The following AFF1 variants were observed in gnomAD, a reference collection of about 807,000 sequenced individuals.
AFF1 encodes the protein AF4/FMR2 family member 1.
In AFF1, 48 loss-of-function variants were observed where a neutral mutation model predicts 121.7. That is an observed-to-expected ratio of 0.39 (90% CI 0.31 to 0.50). The LOEUF (loss-of-function observed/expected upper bound fraction) is 0.50. AFF1 is among the 20% of genes least tolerant of loss of function. The probability of loss-of-function intolerance (pLI) is 0.76; values close to 1 mark genes in which losing one functional copy is unlikely to be tolerated. For synonymous variants in AFF1, 613 were observed against 563.0 expected, an observed-to-expected ratio of 1.09 and a Z score of -1.26; for missense variants, 1,523 against 1,511.7, an observed-to-expected ratio of 1.01 and a Z score of -0.12.
At chr4:87,060,523 A>G (rs1434923516) in intron 4 of AFF1, among the ~76,000 whole-genome samples, 1 of 152,180 alleles carries the variant, frequency 6.6e-6, no homozygotes, top group Non-Finnish European at 1.5e-5. Flanking sequence ...CAACGGTATC[A>G]TTAACTGGTA....
intron 2 of AFF1, among the ~76,000 whole-genome samples, chr4:86,968,488 G>A (rs1722689171): frequency 6.6e-6 from 1 of 152,090 alleles, no homozygotes; most frequent in Non-Finnish European, 1.5e-5. Context: ...TATTCACAAT[G>A]GCAGAAGTAT....
intron 2 of AFF1, among the ~76,000 whole-genome samples, chr4:87,039,315 A>G (rs1729876073): frequency 6.6e-6 from 1 of 152,258 alleles, no homozygotes; most frequent in South Asian, 2.1e-4. Flanking sequence ...TTGAAAAGTC[A>G]GTAAATGTGC....
At chr4:86,995,979 G>A (rs1725143886) in intron 2 of AFF1, among the ~76,000 whole-genome samples, 1 of 118,146 alleles carries the variant, frequency 8.5e-6, no homozygotes, top group Non-Finnish European at 2.1e-5. Flanking sequence ...TGAGAAGTGA[G>A]GAGCCCCTCC....
chr4:87,084,577 T>C (rs1560609230), intron 5 of AFF1, among the ~76,000 whole-genome samples: 1 of 147,292 alleles, frequency 6.8e-6, no homozygotes, highest in South Asian at 2.1e-4. Context: ...AATAAATAAA[T>C]AAATAAATAA....
chr4:87,021,960 T>C (rs1727940182), intron 2 of AFF1, among the ~76,000 whole-genome samples: 1 of 152,160 alleles, frequency 6.6e-6, no homozygotes, highest in Non-Finnish European at 1.5e-5. Flanking sequence ...CTCAGCACTT[T>C]GGGAGGCCGA....
chr4:87,027,784 G>GTTTTTTTTTTTTTTTTTTTT (rs35903702), intron 2 of AFF1, among the ~76,000 whole-genome samples: 1 of 90,598 alleles, frequency 1.1e-5, no homozygotes, highest in Non-Finnish European at 2.0e-5. Flanking sequence ...TTGCTGTTGG[G>GTTTTTTTTTTTTTTTTTTTT]TTTTTTTTTT....
intron 2 of AFF1, among the ~76,000 whole-genome samples, chr4:87,025,577 GGGA>G (rs1435247988): frequency 9.2e-5 from 14 of 152,306 alleles, no homozygotes; most frequent in Admixed American, 5.2e-4. Flanking sequence ...TTCTCCACAG[GGGA>G]GGAGATTTTA....
chr4:87,110,790 C>T, intron 11 of AFF1, among the ~76,000 whole-genome samples: 1 of 152,108 alleles, frequency 6.6e-6, no homozygotes, highest in Middle Eastern at 3.4e-3. Flanking sequence ...ATTAAAACAC[C>T]TAATAAAAAA....
chr4:87,110,039 G>A (rs1726304910), intron 11 of AFF1, among the ~76,000 whole-genome samples: 1 of 152,086 alleles, frequency 6.6e-6, no homozygotes, highest in South Asian at 2.1e-4. Context: ...AATTTCTGGT[G>A]TTGTTTCAGA....
At chr4:86,956,738 C>T (rs547799370) in intron 2 of AFF1, among the ~76,000 whole-genome samples, 10 of 152,188 alleles carry the variant, frequency 6.6e-5, no homozygotes, top group Non-Finnish European at 1.5e-4. Flanking sequence ...CATATTACAG[C>T]ATGTATCAGT....
rs1426774704 is a variant in AFF1 at position 86,984,952 on chromosome 4, A to C, written c.38+36381A>C. ...TAAAAATAAAAAAGACAAATCTTAA[A>C]GTGTTCTCAGCAAACATGTTTAGTA... On this transcript the variant is annotated intron_variant, in intron 2 of 20. Transcript: ENST00000395146. 2.6e-5 allele frequency among the ~76,000 whole-genome samples: 4 copies of C among 151,556 alleles called. No individual in the cohort carries two copies. In the East Asian group the frequency reaches 7.7e-4, roughly 29 times the overall value.
chr4:87,101,592 A>AAG (rs1725440041), intron 8 of AFF1, among the ~76,000 whole-genome samples: 1 of 151,248 alleles, frequency 6.6e-6, no homozygotes, highest in Non-Finnish European at 1.5e-5. Flanking sequence ...AAGAAAAAAA[A>AAG]AAATCCTGGG....
At chr4:87,105,084 T>G (rs1238458293) in intron 8 of AFF1, among the ~76,000 whole-genome samples, 2 of 152,264 alleles carry the variant, frequency 1.3e-5, no homozygotes, top group African/African-American at 4.8e-5. Context: ...TCATACATCT[T>G]ACTGTGTATT....
At position 86,939,982 on chromosome 4, in the gene AFF1, AC is replaced by A. The variant is rs577683116; in HGVS notation, c.-37+4744del. 2.1e-3 allele frequency among the ~76,000 whole-genome samples: 318 copies of A among 152,330 alleles called. 2 individuals carry two copies. Among genetic ancestry groups the A allele is most frequent in the African/African-American group, 7.0e-3 (290 of 41,576 alleles). ...CTTGGGTTTGAATCTTGGATATGCT[AC>A]CTACTAGCTGTCAGACCTTAGGCAA... On this transcript the variant is annotated intron_variant, in intron 1 of 20. Transcript: ENST00000395146.
At chr4:87,074,250 A>T (rs953090903) in intron 4 of AFF1, among the ~76,000 whole-genome samples, 3 of 152,156 alleles carry the variant, frequency 2.0e-5, no homozygotes, top group African/African-American at 7.2e-5. Flanking sequence ...AGGACTTGTC[A>T]GTTGACTATT....
chr4:87,101,740 A>C (rs1166142014), intron 8 of AFF1, among the ~76,000 whole-genome samples: 1 of 152,206 alleles, frequency 6.6e-6, no homozygotes, highest in Non-Finnish European at 1.5e-5. Context: ...GTTCCCGAAA[A>C]GTGTTACTTT....
intron 2 of AFF1, among the ~76,000 whole-genome samples, chr4:86,961,993 A>G (rs528866776): frequency 2.2e-4 from 33 of 152,342 alleles, no homozygotes; most frequent in South Asian, 6.2e-4. Flanking sequence ...AGAGTATTCA[A>G]TAAATGAGAG....
chr4:87,105,572 A>G, intron 8 of AFF1, 56 bp from the exon 9 acceptor site: 2 of 1,598,932 alleles, frequency 1.3e-6, no homozygotes, highest in Non-Finnish European at 1.7e-6. Context: ...ACATGCTAGA[A>G]AAGTTGTTAG....
At chr4:86,962,406 CTAA>C (rs1462262302) in intron 2 of AFF1, among the ~76,000 whole-genome samples, 2 of 152,154 alleles carry the variant, frequency 1.3e-5, no homozygotes, top group Non-Finnish European at 2.9e-5. Flanking sequence ...ATAATAATGA[CTAA>C]ATATATACAT....
Sources: allele counts gnomAD v4.1 joint callset (sites outside exome capture counted in the v4.1 genomes callset), GRCh38; gene constraint gnomAD v4.1.1; transcripts MANE v1.5; gene names NCBI Gene and HGNC (gene_info 2026-07-23, HGNC 2026-07-21).